GRID1: variants seen among roughly 807,000 people sequenced by gnomAD.
GRID1 encodes the protein glutamate ionotropic receptor delta type subunit 1.
Under a neutral mutation model 98.0 loss-of-function variants are expected in GRID1, and 28 were observed. The observed-to-expected ratio is 0.29, with a 90% CI of 0.21 to 0.39. GRID1 has a LOEUF of 0.39. Ranked by LOEUF, GRID1 falls within the 10% of genes least tolerant of loss-of-function variation. The pLI is 1.00. For missense variants in GRID1, 1,111 were observed against 1,340.5 expected (o/e 0.83, Z 2.67); for synonymous variants, 553 against 538.5 (o/e 1.03, Z -0.37).
intron 4 of GRID1, among the ~76,000 whole-genome samples, chr10:86,032,451 C>T (rs1252042889): frequency 6.6e-6 from 1 of 152,156 alleles, no homozygotes; most frequent in East Asian, 1.9e-4. Context: ...AAGAAGTAGA[C>T]ATGGGAGACT....
chr10:86,304,002 T>C (rs1847725328), intron 2 of GRID1, among the ~76,000 whole-genome samples: 1 of 152,222 alleles, frequency 6.6e-6, no homozygotes, highest in African/African-American at 2.4e-5. Context: ...GTTTTTCCTA[T>C]CTCCATCATT....
chr10:85,996,395 C>A (rs2131871605), intron 4 of GRID1, among the ~76,000 whole-genome samples: 1 of 152,108 alleles, frequency 6.6e-6, no homozygotes, highest in East Asian at 1.9e-4. Context: ...TTTTAAAAAA[C>A]CAAATAGGAA....
intron 8 of GRID1, among the ~76,000 whole-genome samples, chr10:85,821,176 T>C (rs1175726968): frequency 6.6e-6 from 1 of 151,862 alleles, no homozygotes; most frequent in African/African-American, 2.4e-5. Flanking sequence ...AAATTATATA[T>C]TATATTTACA....
At chr10:85,766,590 C>A (rs1326552099) in intron 8 of GRID1, among the ~76,000 whole-genome samples, 1 of 152,062 alleles carries the variant, frequency 6.6e-6, no homozygotes, top group Non-Finnish European at 1.5e-5. Flanking sequence ...ATCAACCATA[C>A]CAGAGGAAAG....
At chr10:86,256,224 G>A (rs1316315295) in intron 2 of GRID1, among the ~76,000 whole-genome samples, 1 of 152,168 alleles carries the variant, frequency 6.6e-6, no homozygotes, top group Non-Finnish European at 1.5e-5. Flanking sequence ...TCACCCTGAG[G>A]CTGCATCTCT....
chr10:86,287,983 C>G (rs969310304), intron 2 of GRID1, among the ~76,000 whole-genome samples: 1 of 152,104 alleles, frequency 6.6e-6, no homozygotes, highest in Non-Finnish European at 1.5e-5. Flanking sequence ...CTAGCACCAC[C>G]CTTCAAGCCT....
chr10:86,049,549 T>A (rs975101354), intron 4 of GRID1, among the ~76,000 whole-genome samples: 1 of 152,176 alleles, frequency 6.6e-6, no homozygotes, highest in African/African-American at 2.4e-5. Context: ...ACGTGCTTAA[T>A]CCCTGGATAA....
intron 3 of GRID1, among the ~76,000 whole-genome samples, chr10:86,188,024 G>A (rs1039000933): frequency 6.6e-6 from 1 of 152,186 alleles, no homozygotes; most frequent in African/African-American, 2.4e-5. Context: ...CCTTTGCCCT[G>A]CCCTGCCCTG....
intron 8 of GRID1, among the ~76,000 whole-genome samples, chr10:85,848,725 G>T (rs1399595082): frequency 6.6e-6 from 1 of 151,958 alleles, no homozygotes; most frequent in East Asian, 1.9e-4. Context: ...ACCCTTAATG[G>T]GTATGTATTG....
chr10:85,892,569 T>C (rs1339179748), intron 5 of GRID1, among the ~76,000 whole-genome samples: 1 of 151,802 alleles, frequency 6.6e-6, no homozygotes, highest in African/African-American at 2.4e-5. Context: ...AAAACTATGT[T>C]TTTCCTAGAT....
intron 14 of GRID1, 39 bp from the exon 15 acceptor site, chr10:85,613,686 T>C (rs1196112580): frequency 1.9e-6 from 3 of 1,588,022 alleles, no homozygotes; most frequent in Non-Finnish European, 2.6e-6. Context: ...GCCACTGACG[T>C]CATCAACTCA....
intron 4 of GRID1, among the ~76,000 whole-genome samples, chr10:86,093,630 C>A (rs1844179241): frequency 6.6e-6 from 1 of 152,068 alleles, no homozygotes. Flanking sequence ...TGGAAAAATA[C>A]AACCATCTTA....
intron 8 of GRID1, among the ~76,000 whole-genome samples, chr10:85,749,292 A>T (rs776161880): frequency 6.6e-6 from 1 of 152,056 alleles, no homozygotes; most frequent in African/African-American, 2.4e-5. Flanking sequence ...TTATCCTTCC[A>T]TCTCTTCTTT....
At chr10:85,955,932 A>G (rs1251257368) in intron 4 of GRID1, among the ~76,000 whole-genome samples, 7 of 152,096 alleles carry the variant, frequency 4.6e-5, no homozygotes, top group Admixed American at 1.3e-4. Context: ...CTCTTTCTCA[A>G]TTTGATAAGG....
chr10:86,023,506 G>A (rs147403495), intron 4 of GRID1, among the ~76,000 whole-genome samples: 36 of 152,168 alleles, frequency 2.4e-4, no homozygotes, highest in Middle Eastern at 3.4e-3. Context: ...CCTTCTCTCA[G>A]CAACCTGCTC....
chr10:85,918,392 C>T (rs1264372210), intron 4 of GRID1, among the ~76,000 whole-genome samples: 1 of 151,446 alleles, frequency 6.6e-6, no homozygotes, highest in East Asian at 2.0e-4. Context: ...GAACAGATAA[C>T]ACTTGCCCCT....
intron 4 of GRID1, among the ~76,000 whole-genome samples, chr10:86,024,373 G>C (rs1843089162): frequency 6.6e-6 from 1 of 152,204 alleles, no homozygotes; most frequent in Non-Finnish European, 1.5e-5. Context: ...ACGGTGTGTA[G>C]GATAGAGTGC....
chr10:86,059,865 T>G (rs71471187), intron 4 of GRID1, among the ~76,000 whole-genome samples: 1 of 152,140 alleles, frequency 6.6e-6, no homozygotes, highest in African/African-American at 2.4e-5. Context: ...AGATCATAGA[T>G]ATATACCTAA....
intron 3 of GRID1, among the ~76,000 whole-genome samples, chr10:86,143,857 C>A (rs961182874): frequency 2.0e-5 from 3 of 152,226 alleles, no homozygotes; most frequent in Non-Finnish European, 4.4e-5. Context: ...ATGGGCCAGT[C>A]CACTCCTGCA....
Sources: gnomAD v4.1 joint callset for allele counts (sites outside exome capture counted in the v4.1 genomes callset) on GRCh38, gnomAD v4.1.1 for gene constraint, MANE v1.5 for transcripts, NCBI Gene and HGNC (gene_info 2026-07-23, HGNC 2026-07-21) for gene names.